ZFYVE28: variants seen among roughly 807,000 people sequenced by gnomAD.
ZFYVE28 encodes the protein lateral signaling target protein 2 homolog.
A neutral mutation model predicts 82.1 loss-of-function variants in ZFYVE28; 40 were observed. That is an observed-to-expected ratio of 0.49 (90% CI 0.38 to 0.63). The LOEUF is 0.63. Ranked by LOEUF, ZFYVE28 falls within the 30% of genes least tolerant of loss-of-function variation. The pLI is 0.00. For synonymous variants in ZFYVE28, 612 were observed against 546.1 expected (o/e 1.12, Z -1.68); for missense variants, 1,321 against 1,242.1 (o/e 1.06, Z -0.96).
At chr4:2,402,248 G>A (rs1327376422) in intron 1 of ZFYVE28, among the ~76,000 whole-genome samples, 1 of 152,174 alleles carries the variant, frequency 6.6e-6, no homozygotes. Flanking sequence ...GCCCTGCTGG[G>A]TGGGCGGGGC....
At chr4:2,333,581 C>A (rs545758592) in intron 6 of ZFYVE28, among the ~76,000 whole-genome samples, 1 of 152,048 alleles carries the variant, frequency 6.6e-6, no homozygotes, top group Non-Finnish European at 1.5e-5. Flanking sequence ...CCAGGCCCGA[C>A]CTTTAAGAGG....
At chr4:2,333,991 T>C (rs1578133832) in intron 6 of ZFYVE28, among the ~76,000 whole-genome samples, 2 of 152,104 alleles carry the variant, frequency 1.3e-5, no homozygotes, top group African/African-American at 4.8e-5. Context: ...GACACTTCCC[T>C]CCAAGCCACC....
chr4:2,383,617 C>T (rs1484241393), intron 1 of ZFYVE28, among the ~76,000 whole-genome samples: 2 of 152,180 alleles, frequency 1.3e-5, no homozygotes, highest in East Asian at 1.9e-4. Context: ...TCCACTGACC[C>T]GGTATCTTCT....
intron 7 of ZFYVE28, among the ~76,000 whole-genome samples, chr4:2,311,271 A>C (rs1717433957): frequency 6.6e-6 from 1 of 152,132 alleles, no homozygotes; most frequent in Non-Finnish European, 1.5e-5. Flanking sequence ...CACGCTTATA[A>C]TCCCAGCACT....
At chr4:2,397,868 G>A (rs1212416879) in intron 1 of ZFYVE28, among the ~76,000 whole-genome samples, 1 of 152,162 alleles carries the variant, frequency 6.6e-6, no homozygotes, top group Admixed American at 6.5e-5. Flanking sequence ...AAACACACAT[G>A]TGCTCCTGGA....
chr4:2,341,605 A>G lies in ZFYVE28; in HGVS notation c.191T>C (p.Leu64Ser). Reference protein sequence around the residue: ...SQFRSCQDNVLNIINQIMDEC... With the variant: ...SQFRSCQDNVSNIINQIMDEC... ...ATCCATGATCTGGTTAATGATGTTC[A>G]ACACATTGTCCTGAAACAGAAGACA... Residue 64 changes from leucine (L) to serine (S), a missense_variant, in exon 3 of 13, where the codon TTG (leucine) becomes TCG (serine). Physicochemically the swap from Leu to Ser is moderately radical, Grantham distance 145 (BLOSUM62 -2). Coordinates refer to ENST00000290974, the MANE Select transcript of ZFYVE28 (RefSeq NM_020972.3). This position sits in a 1 kb window ranked among gnomAD's most constrained non-coding sequence, Gnocchi z 4.5. 1 of 1,609,878 alleles carries G rather than the reference A, an allele frequency of 6.2e-7. No homozygotes were observed. The highest frequency in any genetic ancestry group is 8.5e-7 in the Non-Finnish European group (1 of 1,176,534).
At position 2,349,801 on chromosome 4, in the gene ZFYVE28, T is replaced by A. The variant is rs181648148; in HGVS notation, c.180+4132A>T. On this transcript the variant is annotated intron_variant, in intron 2 of 12. Transcript: ENST00000290974. ...TCTCCGTTGACACACAAAAAAAGCATCTGAAAAAAAAAATCTAACATCTAT... is the reference window on the plus strand; with the variant it reads ...TCTCCGTTGACACACAAAAAAAGCAACTGAAAAAAAAAATCTAACATCTAT... Among the ~76,000 whole-genome samples the A allele has an allele frequency of 1.7e-3, 259 of 151,784 alleles. 2 individuals are homozygous for A. Among genetic ancestry groups the A allele is most frequent in the Non-Finnish European group, 2.8e-3 (192 of 67,904 alleles).
At chr4:2,292,154 G>A (rs760847806) in intron 8 of ZFYVE28, among the ~76,000 whole-genome samples, 20 of 152,198 alleles carry the variant, frequency 1.3e-4, no homozygotes, top group Non-Finnish European at 2.5e-4. Flanking sequence ...GCTGAACCCT[G>A]GGATGGGTCC....
At position 2,305,090 on chromosome 4, in the gene ZFYVE28, T is replaced by C. The variant is rs753854159; in HGVS notation, c.1250A>G (p.Glu417Gly). The C allele has an allele frequency of 2.5e-6, 4 of 1,606,702 alleles. No individual in the cohort carries two copies. The highest frequency in any genetic ancestry group is 1.7e-5 in the Admixed American group (1 of 59,752). ...CCACCCAAATGGGCCAGCTGGGGAC[T>C]CGGGCCTGGCCAGGGCTTCTGCCGT... ...EGTAEALARP[E>G]SPAGPFGWAG... Residue 417 changes from glutamate (E) to glycine (G), a missense_variant, in exon 8 of 13, where the codon GAG (glutamate) becomes GGG (glycine). Physicochemically the swap from Glu to Gly is moderately conservative, Grantham distance 98. Around this residue, in one of 2 missense-constraint regions of ZFYVE28, gnomAD observed 978 missense variants for 833.7 expected, o/e 1.17. Coordinates refer to ENST00000290974, the MANE Select transcript of ZFYVE28 (RefSeq NM_020972.3).
chr4:2,276,533 G>A (rs1230476630), intron 8 of ZFYVE28, among the ~76,000 whole-genome samples: 1 of 152,198 alleles, frequency 6.6e-6, no homozygotes. Flanking sequence ...CACGTTCATA[G>A]CGGCCAAGAG....
At chr4:2,370,476 A>C (rs941406361) in intron 1 of ZFYVE28, among the ~76,000 whole-genome samples, 129 of 152,264 alleles carry the variant, frequency 8.5e-4, no homozygotes, top group African/African-American at 2.7e-3. Context: ...AAGTGCCCCC[A>C]GTGCCTCTAA....
chr4:2,298,937 A>AGAACATTCCCCGGCCCCACCACAGAG (rs1715069719), intron 8 of ZFYVE28, among the ~76,000 whole-genome samples: 1 of 152,230 alleles, frequency 6.6e-6, no homozygotes, highest in South Asian at 2.1e-4. Flanking sequence ...AGAGATGAGA[A>AGAACATTCCCCGGCCCCACCACAGAG]GAACATTCCC....
intron 8 of ZFYVE28, among the ~76,000 whole-genome samples, chr4:2,276,185 GC>G (rs1221373931): frequency 6.6e-6 from 1 of 151,960 alleles, no homozygotes; most frequent in African/African-American, 2.4e-5. Context: ...GCTGCACGGG[GC>G]CCCCTCCCTC....
In ZFYVE28 at chr4:2,341,727, G is replaced by C. The variant is rs760452101; in HGVS notation, c.181-112C>G. ...GTGACTGTTTTTTAGGATTATTAAA[G>C]TGATAGAGGAGGCTAGGCACGGTGG... On this transcript the variant is annotated intron_variant, in intron 2 of 12. Transcript: ENST00000290974. This position sits in a 1 kb window ranked among gnomAD's most constrained non-coding sequence, Gnocchi z 4.5. The C allele has an allele frequency of 3.4e-6, 5 of 1,464,742 alleles. No individual in the cohort carries two copies. Among genetic ancestry groups the C allele is most frequent in the Non-Finnish European group, 4.6e-6 (5 of 1,078,148 alleles). The allele number at this position is 1,464,742 out of a possible 1,614,324, so 90.7% of individuals were successfully genotyped here. A position where few individuals can be genotyped will look rare whatever the true frequency, so the allele number is the denominator to read the frequency against.
intron 1 of ZFYVE28, chr4:2,364,435 C>A: frequency 1.0e-6 from 1 of 985,464 alleles, no homozygotes; most frequent in Non-Finnish European, 1.2e-6. Flanking sequence ...AAGCAAACTG[C>A]CAGGAAAGGC....
chr4:2,324,071 G>T (rs993901091), intron 6 of ZFYVE28, among the ~76,000 whole-genome samples: 2 of 152,122 alleles, frequency 1.3e-5, no homozygotes, highest in African/African-American at 4.8e-5. Context: ...CTGTATCAAA[G>T]TTCTCTAGAG....
At chr4:2,273,743 C>T (rs780958478) in intron 9 of ZFYVE28, among the ~76,000 whole-genome samples, 7 of 152,184 alleles carry the variant, frequency 4.6e-5, no homozygotes, top group Non-Finnish European at 8.8e-5. Flanking sequence ...CAGCAGCCTA[C>T]GTGGCTGGGA....
chr4:2,368,190 C>G (rs1048843201), intron 1 of ZFYVE28, among the ~76,000 whole-genome samples: 4 of 65,376 alleles, frequency 6.1e-5, no homozygotes, highest in African/African-American at 2.5e-4. Context: ...CCAGCCTGGG[C>G]AACAAAGCAA....
rs776892210 is a variant in ZFYVE28 at position 2,304,669 on chromosome 4, G to T, written c.1671C>A (p.Thr557=). Residue 557 remains threonine (T), a synonymous_variant, in exon 8 of 13, where the codon ACC becomes ACA. Transcript: ENST00000290974. ...GGPHKLSTGA[T]NCLLHSCVCC... ...ACACGCAGGAATGCAGAAGGCAGTT[G>T]GTGGCCCCAGTGCTAAGCTTGTGGG... 18 of 1,612,514 alleles carry T rather than the reference G, an allele frequency of 1.1e-5. No individual in the cohort carries two copies. The highest frequency in any genetic ancestry group is 2.7e-5 in the African/African-American group (2 of 74,950).
Sources: allele counts gnomAD v4.1 joint callset (sites outside exome capture counted in the v4.1 genomes callset), GRCh38; gene constraint gnomAD v4.1.1; regional missense constraint gnomAD v4.1.1; non-coding constraint Gnocchi (gnomAD v3.1); transcripts MANE v1.5; gene names NCBI Gene and HGNC (gene_info 2026-07-23, HGNC 2026-07-21).